ATAD2B: variants seen among roughly 807,000 people sequenced by gnomAD.
ATAD2B encodes the protein ATPase family AAA domain containing 2B, also known as ATPase family AAA domain-containing protein 2B.
Under a neutral mutation model 167.6 loss-of-function variants are expected in ATAD2B, and 40 were observed. The ratio of observed to expected loss-of-function variants is 0.24; its 90% CI spans 0.19 to 0.31. The LOEUF (loss-of-function observed/expected upper bound fraction) is 0.31. ATAD2B is among the 10% of genes least tolerant of loss of function. The probability of loss-of-function intolerance (pLI) is 1.00; values close to 1 mark genes in which losing one functional copy is unlikely to be tolerated. For synonymous variants in ATAD2B, 579 were observed against 596.5 expected (o/e 0.97, Z 0.43); for missense variants, 1,242 against 1,757.2 (o/e 0.71, Z 5.24).
At chr2:23,719,442 C>G in the ATAD2B span, among the ~76,000 whole-genome samples, 1 of 152,158 alleles carries the variant, frequency 6.6e-6, no homozygotes. Context: ...AGCGTAGAAG[C>G]AAGCTTGTTT....
chr2:23,692,763 T>C, the ATAD2B span, among the ~76,000 whole-genome samples: 1 of 151,852 alleles, frequency 6.6e-6, no homozygotes, highest in African/African-American at 2.4e-5. Flanking sequence ...CCAGGAGAGC[T>C]GGCCAGATGG....
chr2:23,892,226 C>G (rs1360155204), intron 2 of ATAD2B, among the ~76,000 whole-genome samples: 2 of 152,162 alleles, frequency 1.3e-5, no homozygotes, highest in African/African-American at 2.4e-5. Context: ...TGCAGTGGCG[C>G]GATCTTGGCT....
chr2:23,867,819 C>A lies in ATAD2B; in HGVS notation c.1188+16G>T. On this transcript the variant is annotated intron_variant, in intron 10 of 27. Transcript: ENST00000238789. ...AAAAAAAAGAAAACTTCTAGAAAAA[C>A]ATTTACAAAACTTACTGATTTATCA... The A allele has an allele frequency of 1.3e-6, 2 of 1,549,956 alleles. No homozygotes were observed. The highest frequency in any genetic ancestry group is 2.4e-5 in the South Asian group (2 of 84,794).
intron 23 of ATAD2B, among the ~76,000 whole-genome samples, chr2:23,764,289 C>G (rs1677123896): frequency 6.6e-6 from 1 of 152,224 alleles, no homozygotes; most frequent in Non-Finnish European, 1.5e-5. Context: ...ATTCATTTCA[C>G]TGCTTAAAAT....
chr2:23,729,864 T>C, the ATAD2B span, among the ~76,000 whole-genome samples: 1 of 152,144 alleles, frequency 6.6e-6, no homozygotes, highest in Non-Finnish European at 1.5e-5. Context: ...ATCCAAAATG[T>C]AATACAACTA....
At chr2:23,920,561 G>C (rs1338958235) in intron 1 of ATAD2B, among the ~76,000 whole-genome samples, 5 of 152,066 alleles carry the variant, frequency 3.3e-5, no homozygotes, top group Non-Finnish European at 5.9e-5. Flanking sequence ...GCTGTATTCA[G>C]GCCCTGGGAA....
chr2:23,809,822 A>G (rs1208737708), intron 18 of ATAD2B, among the ~76,000 whole-genome samples: 1 of 152,200 alleles, frequency 6.6e-6, no homozygotes, highest in Non-Finnish European at 1.5e-5. Context: ...TTGCTTCACA[A>G]ACCAGTAAAT....
In ATAD2B at chr2:23,860,883, A is replaced by G. The variant is rs1694238874; in HGVS notation, c.1479+2498T>C. 5.9e-5 allele frequency among the ~76,000 whole-genome samples: 9 copies of G among 152,306 alleles called. No individual in the cohort carries two copies. The South Asian group carries it at 1.9e-3, about 32-fold the overall frequency. Reference sequence around the variant, plus strand: ...CTACTTGGGAGACTAAGGCAGGAGAATCACCTGAACCCAGGAGGTGGAGGT... The same window carrying G: ...CTACTTGGGAGACTAAGGCAGGAGAGTCACCTGAACCCAGGAGGTGGAGGT... On this transcript the variant is annotated intron_variant, in intron 12 of 27. Coordinates refer to ENST00000238789, the MANE Select transcript of ATAD2B (RefSeq NM_017552.4).
chr2:23,869,709 G>A lies in ATAD2B; in HGVS notation c.1030C>T (p.Arg344Cys), dbSNP rs1266217680. Residue 344 changes from arginine to cysteine, a missense_variant, in exon 9 of 28, where the codon CGC becomes TGC. Physicochemically the swap from Arg to Cys is radical, Grantham distance 180. This residue lies in a region of ATAD2B where 127 missense variants were observed against 146.3 expected (regional missense o/e 0.87). Coordinates refer to ENST00000238789, the MANE Select transcript of ATAD2B (RefSeq NM_017552.4). ...SSDTTSSDEE[R>C]FERRKSKSMA... The stretch of plus-strand genomic sequence containing the variant: ...CTCTTTGATTTCCTTCTTTCAAAGC[G>A]TTCCTCATCAGAAGAAGTTGTGTCA... The A allele has an allele frequency of 6.4e-6, 10 of 1,568,562 alleles. No homozygotes were observed. The highest frequency in any genetic ancestry group is 3.8e-5 in the Admixed American group (2 of 52,648).
At chr2:23,803,904 AT>A (rs898390366) in intron 18 of ATAD2B, among the ~76,000 whole-genome samples, 2 of 152,206 alleles carry the variant, frequency 1.3e-5, no homozygotes, top group African/African-American at 4.8e-5. Flanking sequence ...TATATTAAGC[AT>A]TTTAGAGCCT....
Position 23,908,861 on chromosome 2 carries a change from A to G in ATAD2B, c.217-12891T>C, listed in dbSNP as rs1340404732. On this transcript the variant is annotated intron_variant, in intron 1 of 27. Transcript: ENST00000238789. ...AGGGATATGGATGAAACTGGAAATC[A>G]TCATTCCCAGTAAACTATCGCAAGA... is the stretch of plus-strand genomic sequence containing the variant. Among the ~76,000 whole-genome samples, 3 of 151,830 alleles carry G rather than the reference A, an allele frequency of 2.0e-5. No homozygotes were observed. In the East Asian group the frequency reaches 5.8e-4, roughly 29 times the overall value.
Position 23,758,056 on chromosome 2 carries a change from C to A in ATAD2B, c.3440G>T (p.Gly1147Val). The A allele has an allele frequency of 6.2e-7, 1 of 1,601,728 alleles. No homozygotes were observed. Among genetic ancestry groups the A allele is most frequent in the Non-Finnish European group, 8.5e-7 (1 of 1,177,518 alleles). ...KSRRRSQWGK[G>V]IIKKRKVNNL... ...ATTAACTTTCCTTTTCTTAATAATT[C>A]CTTTACCCCACTGTGATCTCCGCCT... is the stretch of plus-strand genomic sequence containing the variant. Residue 1147 changes from glycine (G) to valine (V), a missense_variant, in exon 25 of 28, where the codon GGA becomes GTA. Physicochemically the swap from Gly to Val is moderately radical, Grantham distance 109 (BLOSUM62 -3). Around this residue, in one of 9 missense-constraint regions of ATAD2B, gnomAD observed 204 missense variants for 324.0 expected, o/e 0.63. Transcript: ENST00000238789.
intron 26 of ATAD2B, 90 bp downstream of exon 26, chr2:23,754,557 G>A: frequency 6.8e-7 from 1 of 1,474,786 alleles, no homozygotes; most frequent in Non-Finnish European, 9.2e-7. Context: ...CAGGGTTAAA[G>A]CAGGAAAACT....
rs1280237187 is a variant in ATAD2B, at chr2:23,926,488, C to T, written c.216+67G>A. 2.0e-6 allele frequency: 3 copies of T among 1,506,266 alleles called. No individual in the cohort carries two copies. In the African/African-American group the frequency reaches 4.2e-5, roughly 21 times the overall value. The allele number at this position is 1,506,266 out of a possible 1,614,324, so 93.3% of individuals were successfully genotyped here. On this transcript the variant is annotated intron_variant, in intron 1 of 27. Transcript: ENST00000238789. Reference sequence around the variant, plus strand: ...TGTAGGCTTCCTACCCCCAACCCGGCCAGACAAAGCCCCGGCAGCAGGGCC... The same window carrying T: ...TGTAGGCTTCCTACCCCCAACCCGGTCAGACAAAGCCCCGGCAGCAGGGCC...
At chr2:23,716,428 G>A in the ATAD2B span, among the ~76,000 whole-genome samples, 1 of 138,936 alleles carries the variant, frequency 7.2e-6, no homozygotes, top group Non-Finnish European at 1.6e-5. Context: ...CACCTAAGGT[G>A]GGACCTTTCA....
chr2:23,826,699 ACT>A (rs1688311042), intron 15 of ATAD2B, among the ~76,000 whole-genome samples: 1 of 152,096 alleles, frequency 6.6e-6, no homozygotes, highest in Non-Finnish European at 1.5e-5. Context: ...CTTCATTGAG[ACT>A]CTTTCATTGT....
In ATAD2B at chr2:23,759,798, C is replaced by T. The variant is rs376988598; in HGVS notation, c.3395-1697G>A. 5.9e-5 allele frequency among the ~76,000 whole-genome samples: 9 copies of T among 152,304 alleles called. No homozygotes were observed. The East Asian group carries it at 7.7e-4, about 13-fold the overall frequency. On this transcript the variant is annotated intron_variant, in intron 24 of 27. Coordinates refer to ENST00000238789, the MANE Select transcript of ATAD2B (RefSeq NM_017552.4). ...TAATCTACTGTTAAAATCTGGTACA[C>T]AGGCTCAGGTGATGGGCATTTGTAA...
At chr2:23,913,613 C>A (rs1196884491) in intron 1 of ATAD2B, among the ~76,000 whole-genome samples, 1 of 147,606 alleles carries the variant, frequency 6.8e-6, no homozygotes, top group African/African-American at 2.5e-5. Flanking sequence ...GCACTCCAGG[C>A]TGGGCAACAG....
chr2:23,800,228 G>A (rs1357856516), intron 18 of ATAD2B, among the ~76,000 whole-genome samples: 1 of 152,118 alleles, frequency 6.6e-6, no homozygotes, highest in African/African-American at 2.4e-5. Flanking sequence ...GTGATCATAT[G>A]AAAGACTAAC....
Sources: gnomAD v4.1 joint callset for allele counts (sites outside exome capture counted in the v4.1 genomes callset) on GRCh38, gnomAD v4.1.1 for gene constraint, gnomAD v4.1.1 regional missense constraint, MANE v1.5 for transcripts, NCBI Gene and HGNC (gene_info 2026-07-23, HGNC 2026-07-21) for gene names.